Variants in CACNA2D2 observed in about 807,000 individuals in gnomAD.
CACNA2D2 encodes calcium voltage-gated channel auxiliary subunit alpha2delta 2.
A neutral mutation model predicts 166.4 loss-of-function variants in CACNA2D2; 48 were observed. That is an observed-to-expected ratio of 0.29 (90% CI 0.23 to 0.37). The LOEUF is 0.37. CACNA2D2 is among the 10% of genes least tolerant of loss of function. CACNA2D2 has a pLI of 1.00. For missense variants in CACNA2D2, 1,122 were observed against 1,433.0 expected, an observed-to-expected ratio of 0.78 and a Z score of 3.50; for synonymous variants, 561 against 573.7, an observed-to-expected ratio of 0.98 and a Z score of 0.32.
chr3:50,438,350 A>C (rs1289485985), intron 2 of CACNA2D2, among the ~76,000 whole-genome samples: 1 of 152,064 alleles, frequency 6.6e-6, no homozygotes, highest in Non-Finnish European at 1.5e-5. Flanking sequence ...CTCTAGCTTC[A>C]ACCCTCTCTC....
In CACNA2D2 at chr3:50,379,337, G is replaced by A; in HGVS notation, c.1152+95C>T. ...AGCTATCTGTCCAAGCTGCCTGTTTGGTGCTAACGAGGCCATCCGTCTTGA... is the reference window on the plus strand; with the variant it reads ...AGCTATCTGTCCAAGCTGCCTGTTTAGTGCTAACGAGGCCATCCGTCTTGA... On this transcript the variant is annotated intron_variant, in intron 11 of 37. Coordinates refer to ENST00000424201, the MANE Select transcript of CACNA2D2 (RefSeq NM_006030.4). The surrounding 1 kb of genome is among the most constrained non-coding windows in gnomAD (Gnocchi z 6.5). 1 of 1,498,508 alleles carries A rather than the reference G, an allele frequency of 6.7e-7. No individual in the cohort carries two copies. Among genetic ancestry groups the A allele is most frequent in the Non-Finnish European group, 9.2e-7 (1 of 1,090,082 alleles). The allele number at this position is 1,498,508 out of a possible 1,614,324, so 92.8% of individuals were successfully genotyped here.
Position 50,381,059 on chromosome 3 carries a change from T to C in CACNA2D2, c.720A>G (p.Arg240=). 6.2e-7 allele frequency: 1 copy of C among 1,613,928 alleles called. No individual in the cohort carries two copies. Among genetic ancestry groups the C allele is most frequent in the Non-Finnish European group, 8.5e-7 (1 of 1,179,928 alleles). ...ALENVFMENR[R]QDPTLLWQVF... ...CCTGCCACAGCAGTGTGGGGTCTTGTCTGCGGTTTTCCATGAACACATTCT... is the reference window on the plus strand; with the variant it reads ...CCTGCCACAGCAGTGTGGGGTCTTGCCTGCGGTTTTCCATGAACACATTCT... Residue 240 remains arginine (R), a synonymous_variant, in exon 7 of 38, where the codon AGA becomes AGG. Coordinates refer to ENST00000424201, the MANE Select transcript of CACNA2D2 (RefSeq NM_006030.4).
rs1399350687 is a variant in CACNA2D2 at position 50,493,477 on chromosome 3, T to C, written c.206+9741A>G. On this transcript the variant is annotated intron_variant, in intron 1 of 37. Transcript: ENST00000424201. Reference sequence around the variant, plus strand: ...ATGATGCCTGGAGCTGTGGCAGCCATCTTGTTGCCATGCAGTAAGTTGGCC... The same window carrying C: ...ATGATGCCTGGAGCTGTGGCAGCCACCTTGTTGCCATGCAGTAAGTTGGCC... 2.0e-5 allele frequency among the ~76,000 whole-genome samples: 3 copies of C among 152,192 alleles called. No individual in the cohort carries two copies. The East Asian group carries it at 5.8e-4, about 29-fold the overall frequency.
At chr3:50,474,254 A>C (rs975251112) in intron 2 of CACNA2D2, among the ~76,000 whole-genome samples, 1 of 152,208 alleles carries the variant, frequency 6.6e-6, no homozygotes, top group African/African-American at 2.4e-5. Context: ...TGAGAAAGGA[A>C]GGGAAATTAT....
chr3:50,479,461 G>A (rs986422200), intron 1 of CACNA2D2, among the ~76,000 whole-genome samples: 13 of 152,254 alleles, frequency 8.5e-5, no homozygotes, highest in Non-Finnish European at 1.5e-4. Flanking sequence ...GTGTCTCAGA[G>A]TTAAAAGAAA....
chr3:50,465,427 T>G (rs907977185), intron 2 of CACNA2D2, among the ~76,000 whole-genome samples: 2 of 152,180 alleles, frequency 1.3e-5, no homozygotes, highest in Non-Finnish European at 2.9e-5. Context: ...CGGGTCTCCC[T>G]GCACGATGAT....
Position 50,489,616 on chromosome 3 carries a change from ACTGGGG to A in CACNA2D2, c.207-13423_207-13418del, listed in dbSNP as rs57886892. On this transcript the variant is annotated intron_variant, in intron 1 of 37. Coordinates refer to ENST00000424201, the MANE Select transcript of CACNA2D2 (RefSeq NM_006030.4). ...GGTGGGGCTGCCGGGAGCCTCCAAA[ACTGGGG>A]CTGGGGCTGGGGCTGGGGCTGGGGC... 0.012 allele frequency among the ~76,000 whole-genome samples: 1,578 copies of A among 135,678 alleles called. 136 individuals carry two copies. The East Asian group carries it at 0.22, about 19-fold the overall frequency. 89.0% of individuals were successfully genotyped at this position (135,678 alleles called of 152,430 possible).
intron 1 of CACNA2D2, among the ~76,000 whole-genome samples, chr3:50,490,628 G>A (rs1698483050): frequency 6.6e-6 from 1 of 152,246 alleles, no homozygotes; most frequent in Admixed American, 6.5e-5. Context: ...AGGCTGCTGT[G>A]TAAGAGGCTG....
At position 50,375,731 on chromosome 3, in the gene CACNA2D2, C is replaced by G. The variant is rs908395984; in HGVS notation, c.1846-26G>C. 7.4e-6 allele frequency: 12 copies of G among 1,613,116 alleles called. No individual in the cohort carries two copies. Among genetic ancestry groups the G allele is most frequent in the Non-Finnish European group, 9.3e-6 (11 of 1,179,942 alleles). The stretch of plus-strand genomic sequence containing the variant: ...CTGGGAGAGGAGGCTGGGTCAGGTA[C>G]TTGGGCTAGCAGGCAGGGGGCGCTG... On this transcript the variant is annotated intron_variant, in intron 20 of 37. Coordinates refer to ENST00000424201, the MANE Select transcript of CACNA2D2 (RefSeq NM_006030.4). This position sits in a 1 kb window ranked among gnomAD's most constrained non-coding sequence, Gnocchi z 4.0.
chr3:50,403,461 C>A (rs1385269727), intron 3 of CACNA2D2, among the ~76,000 whole-genome samples: 1 of 152,184 alleles, frequency 6.6e-6, no homozygotes, highest in Non-Finnish European at 1.5e-5. Context: ...TCATTACCCC[C>A]CTGCAGCCCT....
intron 1 of CACNA2D2, among the ~76,000 whole-genome samples, chr3:50,484,186 C>T (rs1698177456): frequency 6.6e-6 from 1 of 152,190 alleles, no homozygotes; most frequent in African/African-American, 2.4e-5. Context: ...CGCTTTCTCT[C>T]ACACCCACAT....
chr3:50,373,181 CAA>C, intron 22 of CACNA2D2: 2 of 1,000,878 alleles, frequency 2.0e-6, no homozygotes, highest in Admixed American at 2.2e-5. Flanking sequence ...GGGGCACAAA[CAA>C]TATTTTATTC....
intron 1 of CACNA2D2, among the ~76,000 whole-genome samples, chr3:50,499,780 G>A (rs1698879166): frequency 6.6e-6 from 1 of 152,216 alleles, no homozygotes; most frequent in African/African-American, 2.4e-5. Context: ...GACTACGAGG[G>A]GACTCATCCT....
At chr3:50,407,131 C>T (rs941964080) in intron 3 of CACNA2D2, among the ~76,000 whole-genome samples, 1 of 151,718 alleles carries the variant, frequency 6.6e-6, no homozygotes, top group African/African-American at 2.4e-5. Flanking sequence ...GCAGGGTCTG[C>T]CTTGATGATC....
At chr3:50,424,042 C>A (rs1442681956) in intron 3 of CACNA2D2, among the ~76,000 whole-genome samples, 1 of 152,262 alleles carries the variant, frequency 6.6e-6, no homozygotes, top group African/African-American at 2.4e-5. Flanking sequence ...ACTCTGATGA[C>A]AGATCTGTGC....
intron 3 of CACNA2D2, chr3:50,416,036 G>A (rs1042108167): frequency 6.6e-6 from 1 of 152,280 alleles, no homozygotes; most frequent in Non-Finnish European, 1.5e-5. Context: ...GTCAACAGCT[G>A]TGGTTACAGT....
chr3:50,476,285 G>A (rs1697762639), intron 1 of CACNA2D2, 86 bp from the exon 2 acceptor site: 1 of 1,050,256 alleles, frequency 9.5e-7, no homozygotes, highest in Non-Finnish European at 1.4e-6. Flanking sequence ...GGCACTGGGG[G>A]CAACTATCCA....
intron 3 of CACNA2D2, among the ~76,000 whole-genome samples, chr3:50,412,796 A>G (rs986831684): frequency 1.3e-5 from 2 of 152,232 alleles, no homozygotes; most frequent in African/African-American, 4.8e-5. Context: ...AACATGCCCT[A>G]TTTAATGGAA....
chr3:50,375,727 G>C lies in CACNA2D2; in HGVS notation c.1846-22C>G, dbSNP rs762798830. 1.9e-6 allele frequency: 3 copies of C among 1,613,054 alleles called. No individual in the cohort carries two copies. The highest frequency in any genetic ancestry group is 2.5e-6 in the Non-Finnish European group (3 of 1,179,958). ...ACCTCTGGGAGAGGAGGCTGGGTCA[G>C]GTACTTGGGCTAGCAGGCAGGGGGC... On this transcript the variant is annotated intron_variant, in intron 20 of 37. Coordinates refer to ENST00000424201, the MANE Select transcript of CACNA2D2 (RefSeq NM_006030.4). The surrounding 1 kb of genome is among the most constrained non-coding windows in gnomAD (Gnocchi z 4.0).
Sources: gnomAD v4.1 joint callset for allele counts (sites outside exome capture counted in the v4.1 genomes callset) on GRCh38, gnomAD v4.1.1 for gene constraint, Gnocchi (gnomAD v3.1) non-coding constraint, MANE v1.5 for transcripts, NCBI Gene and HGNC (gene_info 2026-07-23, HGNC 2026-07-21) for gene names.